The following MAP4 variants were observed in gnomAD, a reference collection of about 807,000 sequenced individuals.
The protein encoded by MAP4 is microtubule-associated protein 4.
Under a neutral mutation model 170.2 loss-of-function variants are expected in MAP4, and 76 were observed. That is an observed-to-expected ratio of 0.45 (90% confidence interval 0.37 to 0.54). MAP4 has a LOEUF of 0.54. Ranked by LOEUF, MAP4 falls within the 20% of genes least tolerant of loss-of-function variation. The probability of loss-of-function intolerance (pLI) is 0.00; values close to 1 mark genes in which losing one functional copy is unlikely to be tolerated. For synonymous variants in MAP4, 909 were observed against 994.5 expected, an observed-to-expected ratio of 0.91 and a Z score of 1.62; for missense variants, 2,506 against 2,748.0, an observed-to-expected ratio of 0.91 and a Z score of 1.97.
intron 7 of MAP4, among the ~76,000 whole-genome samples, 192 bp from the exon 8 acceptor site, chr3:47,915,131 G>A (rs1173767794): frequency 7.5e-6 from 1 of 133,176 alleles, no homozygotes; most frequent in Admixed American, 7.6e-5. Flanking sequence ...TTTTTTTTTT[G>A]AGATGGAGTT....
At chr3:48,037,376 ATTC>A (rs758679765) in intron 1 of MAP4, among the ~76,000 whole-genome samples, 10 of 152,172 alleles carry the variant, frequency 6.6e-5, no homozygotes, top group South Asian at 2.1e-4. Context: ...TTAAAATGCT[ATTC>A]TTCTTCTCCA....
chr3:47,993,950 T>C (rs891486659), intron 2 of MAP4, among the ~76,000 whole-genome samples: 2 of 152,214 alleles, frequency 1.3e-5, no homozygotes, highest in Non-Finnish European at 2.9e-5. Context: ...CTCCTGTTCA[T>C]TCCTTTCATC....
intron 2 of MAP4, among the ~76,000 whole-genome samples, chr3:47,981,638 C>T (rs1451246690): frequency 1.3e-5 from 2 of 151,516 alleles, no homozygotes; most frequent in Non-Finnish European, 2.9e-5. Flanking sequence ...GGCATAGTGG[C>T]GTGTGAATCA....
At chr3:48,085,090 A>C (rs1304610346) in intron 1 of MAP4, among the ~76,000 whole-genome samples, 1 of 151,928 alleles carries the variant, frequency 6.6e-6, no homozygotes, top group African/African-American at 2.4e-5. Flanking sequence ...ATATACATGA[A>C]CTGCCAAGAT....
chr3:47,970,524 A>G (rs1204707589), intron 3 of MAP4, among the ~76,000 whole-genome samples: 1 of 145,708 alleles, frequency 6.9e-6, no homozygotes, highest in East Asian at 2.1e-4. Flanking sequence ...AAAAAACATC[A>G]GAAGGCTGGG....
chr3:47,936,810 G>A (rs776030627), intron 3 of MAP4, among the ~76,000 whole-genome samples: 15 of 151,600 alleles, frequency 9.9e-5, no homozygotes, highest in African/African-American at 1.9e-4. Flanking sequence ...GAGAAACCCC[G>A]TCTCAACTAA....
intron 1 of MAP4, among the ~76,000 whole-genome samples, chr3:48,063,491 C>G: frequency 6.6e-6 from 1 of 151,908 alleles, no homozygotes; most frequent in East Asian, 1.9e-4. Flanking sequence ...AGCAATTGCA[C>G]TCCTTGATAT....
At chr3:48,031,724 CA>C (rs895454565) in intron 1 of MAP4, among the ~76,000 whole-genome samples, 1 of 151,164 alleles carries the variant, frequency 6.6e-6, no homozygotes, top group Non-Finnish European at 1.5e-5. Flanking sequence ...GACTCTTTCT[CA>C]AAAAAAAATT....
rs184280740 is a variant in MAP4, at chr3:47,857,579, C to T, written c.6502-67G>A. The stretch of plus-strand genomic sequence containing the variant: ...TACTGTCAGAGCCAACCCCATGCTA[C>T]CTTTTAAATCTTCTCCATGTTCAGG... On this transcript the variant is annotated intron_variant, in intron 17 of 20. Transcript: ENST00000683076. The T allele has an allele frequency of 4.3e-3, 4,495 of 1,048,504 alleles. 36 individuals are homozygous for T. The highest frequency in any genetic ancestry group is 0.014 in the East Asian group (571 of 42,022). The allele number at this position is 1,048,504 out of a possible 1,614,324, so 65.0% of individuals were successfully genotyped here.
chr3:47,875,900 G>A lies in MAP4; in HGVS notation c.5542C>T (p.Pro1848Ser). ...LPPSPEKKTK[P>S]LATTQPAKTS... is the part of the protein sequence containing the mutation. ...TTTGCAGGTTGAGTGGTGGCCAAAG[G>A]CTTTAGGTTGATTGTTGTTTATTTT... Residue 1848 changes from proline (P) to serine (S), a missense_variant and splice_region_variant, in exon 12 of 21, where the codon CCT becomes TCT. Pro to Ser is a moderately conservative substitution (Grantham distance 74, BLOSUM62 -1). This residue lies in a region of MAP4 where 2,008 missense variants were observed against 2,206.0 expected (regional missense o/e 0.91). Transcript: ENST00000683076. 4 of 1,589,914 alleles carry A rather than the reference G, an allele frequency of 2.5e-6. No homozygotes were observed. Among genetic ancestry groups the A allele is most frequent in the South Asian group, 1.2e-5 (1 of 85,914 alleles).
chr3:47,956,669 T>G (rs2100068016), intron 3 of MAP4, among the ~76,000 whole-genome samples: 1 of 152,230 alleles, frequency 6.6e-6, no homozygotes, highest in African/African-American at 2.4e-5. Context: ...TGAAGATATT[T>G]GTGTCCCATG....
chr3:48,045,219 C>T (rs116786562), intron 1 of MAP4, among the ~76,000 whole-genome samples: 7,680 of 140,000 alleles, frequency 0.055, 297 homozygotes, highest in Non-Finnish European at 0.081. Flanking sequence ...GATCGCACCA[C>T]TGTGTTCCAG....
intron 3 of MAP4, among the ~76,000 whole-genome samples, chr3:47,958,860 T>C (rs2100069528): frequency 6.6e-6 from 1 of 152,044 alleles, no homozygotes; most frequent in South Asian, 2.1e-4. Context: ...ATTTTTGTAT[T>C]TTTAGTAGAG....
At chr3:47,924,803 T>C (rs1444304350) in intron 4 of MAP4, among the ~76,000 whole-genome samples, 1 of 145,350 alleles carries the variant, frequency 6.9e-6, no homozygotes, top group East Asian at 2.0e-4. Context: ...GTGATCAAGA[T>C]GGAAGCTACG....
At chr3:48,087,743 G>GCA (rs1211603666) in intron 1 of MAP4, among the ~76,000 whole-genome samples, 1,331 of 68,026 alleles carry the variant, frequency 0.02, 12 homozygotes, top group Middle Eastern at 0.045. Flanking sequence ...ACACACGCAC[G>GCA]CGCACACACA....
At chr3:47,939,010 G>GTC (rs760247183) in intron 3 of MAP4, among the ~76,000 whole-genome samples, 3 of 152,192 alleles carry the variant, frequency 2.0e-5, no homozygotes, top group Non-Finnish European at 4.4e-5. Context: ...CAACAGGAAA[G>GTC]TCATGCAGTA....
chr3:47,925,886 C>T (rs1259334649), intron 4 of MAP4, among the ~76,000 whole-genome samples: 5 of 152,276 alleles, frequency 3.3e-5, no homozygotes, highest in South Asian at 4.1e-4. Context: ...GACAGAGTTT[C>T]GCTCGTTGCC....
chr3:48,006,403 C>T (rs1559780090), intron 1 of MAP4, among the ~76,000 whole-genome samples: 1 of 152,144 alleles, frequency 6.6e-6, no homozygotes, highest in East Asian at 1.9e-4. Flanking sequence ...TCCAGTTAAA[C>T]TAGGGGCTCA....
At chr3:47,935,629 T>C (rs1000198000) in intron 3 of MAP4, among the ~76,000 whole-genome samples, 14 of 151,860 alleles carry the variant, frequency 9.2e-5, no homozygotes, top group African/African-American at 1.7e-4. Flanking sequence ...TTTTAAGATA[T>C]TGAACCATAA....
Sources: allele counts gnomAD v4.1 joint callset (sites outside exome capture counted in the v4.1 genomes callset), GRCh38; gene constraint gnomAD v4.1.1; regional missense constraint gnomAD v4.1.1; transcripts MANE v1.5; gene names NCBI Gene and HGNC (gene_info 2026-07-23, HGNC 2026-07-21).